The following PLB1 variants were observed in gnomAD, a reference collection of about 807,000 sequenced individuals.
PLB1 encodes phospholipase B1, membrane-associated.
In PLB1, 242 loss-of-function variants were observed where a neutral mutation model predicts 227.4. That is an observed-to-expected ratio of 1.06 (90% CI 0.96 to 1.18). PLB1 has a LOEUF of 1.18. Ranked by LOEUF, PLB1 falls within the 50% of genes most tolerant of loss-of-function variation. The pLI is 0.00. For missense variants in PLB1, 1,858 were observed against 1,816.3 expected (o/e 1.02, Z -0.42); for synonymous variants, 757 against 682.2 (o/e 1.11, Z -1.71).
chr2:28,567,323 A>G (rs981588376), intron 20 of PLB1, among the ~76,000 whole-genome samples: 1 of 152,076 alleles, frequency 6.6e-6, no homozygotes, highest in African/African-American at 2.4e-5. Flanking sequence ...ACAGATATTG[A>G]ATTGCGGGGT....
intron 1 of PLB1, among the ~76,000 whole-genome samples, chr2:28,510,520 C>T (rs1170483983): frequency 6.6e-6 from 1 of 152,124 alleles, no homozygotes. Flanking sequence ...AGTTCTCATA[C>T]ACCCTCCTCA....
chr2:28,513,756 TAC>T (rs1668532066), intron 1 of PLB1, among the ~76,000 whole-genome samples: 1 of 152,198 alleles, frequency 6.6e-6, no homozygotes, highest in Non-Finnish European at 1.5e-5. Context: ...AAGATTCCAT[TAC>T]AGTTTTAGGA....
intron 51 of PLB1, 25 bp downstream of exon 51, chr2:28,626,533 G>A: frequency 3.7e-6 from 6 of 1,602,576 alleles, no homozygotes; most frequent in Non-Finnish European, 5.1e-6. Flanking sequence ...AACCCCATGG[G>A]GACCTGAGAA....
chr2:28,593,516 C>T (rs1032313034), intron 32 of PLB1, among the ~76,000 whole-genome samples, 165 bp from the exon 33 acceptor site: 1 of 152,230 alleles, frequency 6.6e-6, no homozygotes. Flanking sequence ...AGGCACACAG[C>T]TGGAGAGGAG....
At chr2:28,572,366 G>A (rs190690480) in intron 20 of PLB1, among the ~76,000 whole-genome samples, 18 of 152,326 alleles carry the variant, frequency 1.2e-4, no homozygotes, top group African/African-American at 4.3e-4. Flanking sequence ...GTTAAACAGG[G>A]TGAGGGTTAG....
rs772713098 is a variant in PLB1 at position 28,532,182 on chromosome 2, C to T, written c.543C>T (p.Pro181=). The T allele has an allele frequency of 1.9e-6, 3 of 1,611,574 alleles. No homozygotes were observed. Among genetic ancestry groups the T allele is most frequent in the Non-Finnish European group, 2.5e-6 (3 of 1,178,514 alleles). Residue 181 remains proline (P), a synonymous_variant, in exon 9 of 58, where the codon CCC becomes CCT. Coordinates refer to ENST00000327757, the MANE Select transcript of PLB1 (RefSeq NM_153021.5). ...ATGCAAGCCAGTGTTACCTGTGCCC[C>T]TCTGCTCAACAGGTAAATGGCAGCC... The part of the protein sequence containing the change: ...FSNASQCYLC[P]SAQQNGLAAG...
At chr2:28,633,981 C>T (rs1309783867) in intron 56 of PLB1, among the ~76,000 whole-genome samples, 1 of 152,210 alleles carries the variant, frequency 6.6e-6, no homozygotes, top group Admixed American at 6.5e-5. Context: ...CCACCCCTGT[C>T]AGCTCATCCA....
rs201402407 is a variant in PLB1, at chr2:28,643,046, C to T, written c.4362C>T (p.Arg1454=). 9.3e-5 allele frequency: 149 copies of T among 1,605,028 alleles called. 1 individual carries two copies. In the African/African-American group the frequency reaches 1.8e-3, roughly 19 times the overall value. ...GGGAAGATCCTCCAATGAGCCTGCG[C>T]ACTGTGGCCCTCTAGGCCCGGGGGT... ...GRREDPPMSL[R]TVAL is the part of the protein sequence containing the mutation. Residue 1454 remains arginine, a synonymous_variant, in exon 58 of 58, where the codon CGC becomes CGT. Transcript: ENST00000327757.
intron 21 of PLB1, among the ~76,000 whole-genome samples, chr2:28,576,430 A>G (rs546636714): frequency 3.9e-5 from 6 of 152,302 alleles, no homozygotes; most frequent in Non-Finnish European, 5.9e-5. Context: ...TGTTTTACCA[A>G]TGATAAAACT....
rs60393903 is a variant in PLB1 at position 28,562,540 on chromosome 2, C to CAAAAAAAAAAAAAAAAAAAA, written c.1148-482_1148-481insAAAAAAAAAAAAAAAAAAAA. 1.2e-3 allele frequency among the ~76,000 whole-genome samples: 52 copies of CAAAAAAAAAAAAAAAAAAAA among 42,578 alleles called. 9 individuals are homozygous for CAAAAAAAAAAAAAAAAAAAA. The highest frequency in any genetic ancestry group is 1.5e-3 in the Non-Finnish European group (37 of 25,444). 27.9% of individuals were successfully genotyped at this position (42,578 alleles called of 152,430 possible). A position where few individuals can be genotyped will look rare whatever the true frequency, so the allele number is the denominator to read the frequency against. On this transcript the variant is annotated intron_variant, in intron 17 of 57. Coordinates refer to ENST00000327757, the MANE Select transcript of PLB1 (RefSeq NM_153021.5). ...CTGGAGACAGAGCAAGACTCTGTCT[C>CAAAAAAAAAAAAAAAAAAAA]AAAAAAAAAAAAAAAAAAAGTCAGT...
Position 28,632,128 on chromosome 2 carries a change from C to T in PLB1, c.3990C>T (p.Thr1330=), listed in dbSNP as rs1688714113. Residue 1330 remains threonine (T), a synonymous_variant, in exon 55 of 58, where the codon ACC becomes ACT. Coordinates refer to ENST00000327757, the MANE Select transcript of PLB1 (RefSeq NM_153021.5). The part of the protein sequence containing the change: ...VVQPFFQNTL[T]PLNERGDTDL... ...AGCCTTTCTTCCAAAACACACTCAC[C>T]CCACTGAACGAGGTGAGCTGCAGGT... 4 of 1,613,294 alleles carry T rather than the reference C, an allele frequency of 2.5e-6. No homozygotes were observed. Among genetic ancestry groups the T allele is most frequent in the Non-Finnish European group, 3.4e-6 (4 of 1,179,340 alleles).
intron 37 of PLB1, among the ~76,000 whole-genome samples, chr2:28,601,653 A>C (rs1465518089): frequency 1.3e-5 from 2 of 152,190 alleles, no homozygotes; most frequent in African/African-American, 2.4e-5. Context: ...TGGAAGGAGG[A>C]GTCTCCACTT....
chr2:28,501,179 A>G (rs1040399846), intron 1 of PLB1, among the ~76,000 whole-genome samples: 3 of 152,074 alleles, frequency 2.0e-5, no homozygotes, highest in East Asian at 1.9e-4. Context: ...ACACTTTTTC[A>G]TCTCCTTCTT....
chr2:28,499,886 A>G (rs1300218920), intron 1 of PLB1, among the ~76,000 whole-genome samples: 2 of 151,948 alleles, frequency 1.3e-5, no homozygotes, highest in East Asian at 3.8e-4. Flanking sequence ...CTCTGTCTCA[A>G]AAAAAAAGGA....
chr2:28,630,738 GC>G, intron 54 of PLB1, 74 bp downstream of exon 54: 1 of 1,288,282 alleles, frequency 7.8e-7, no homozygotes, highest in Non-Finnish European at 1.1e-6. Flanking sequence ...GAAATCGAAT[GC>G]CCAGCAGGAT....
chr2:28,582,780 G>C (rs1680263432), intron 25 of PLB1, among the ~76,000 whole-genome samples: 3 of 152,146 alleles, frequency 2.0e-5, no homozygotes, highest in Admixed American at 6.5e-5. Flanking sequence ...GCCTCCAGAG[G>C]GAAGAGTAAA....
intron 56 of PLB1, among the ~76,000 whole-genome samples, chr2:28,637,756 A>G (rs1689538033): frequency 6.6e-6 from 1 of 152,042 alleles, no homozygotes; most frequent in Admixed American, 6.5e-5. Context: ...CTTCTCCTGG[A>G]TTGCCCTTCT....
chr2:28,613,673 A>T lies in PLB1; in HGVS notation c.3130-358A>T, dbSNP rs561064839. 2.0e-5 allele frequency among the ~76,000 whole-genome samples: 3 copies of T among 152,350 alleles called. No homozygotes were observed. The South Asian group carries it at 6.2e-4, about 32-fold the overall frequency. On this transcript the variant is annotated intron_variant, in intron 43 of 57. Transcript: ENST00000327757. ...TATTGATAATCATAACACTTTCTGG[A>T]AGATTAAAAAAATGCTGAAACATGA...
intron 21 of PLB1, 68 bp from the exon 22 acceptor site, chr2:28,578,039 G>C (rs1329607355): frequency 6.7e-7 from 1 of 1,494,022 alleles, no homozygotes; most frequent in African/African-American, 1.4e-5. Context: ...TTTGATTGCT[G>C]TTCTCTCTGC....
Sources: gnomAD v4.1 joint callset for allele counts (sites outside exome capture counted in the v4.1 genomes callset) on GRCh38, gnomAD v4.1.1 for gene constraint, MANE v1.5 for transcripts, NCBI Gene and HGNC (gene_info 2026-07-23, HGNC 2026-07-21) for gene names.